TARBP1: variants seen among roughly 807,000 people sequenced by gnomAD.
The protein encoded by TARBP1 is tRNA guanosine 2 -O-methyltransferase TARBP1, also known as tRNA (guanosine(18)-2'-O)-methyltransferase TARBP1.
A neutral mutation model predicts 178.6 loss-of-function variants in TARBP1; 144 were observed. The observed-to-expected ratio is 0.81, with a 90% confidence interval of 0.70 to 0.93. The LOEUF (loss-of-function observed/expected upper bound fraction) is 0.93, where lower values mean the gene tolerates loss of function less well. Among genes scored for constraint, TARBP1 ranks in the 40% least tolerant of loss-of-function variants. The pLI is 0.00. For missense variants in TARBP1, 2,067 were observed against 2,011.7 expected (o/e 1.03, Z -0.53); for synonymous variants, 787 against 781.0 (o/e 1.01, Z -0.13).
At position 234,459,307 on chromosome 1, in the gene TARBP1, T is replaced by C. The variant is rs772787889; in HGVS notation, c.1555A>G (p.Met519Val). The change falls in exon 8 of 30, where the codon ATG becomes GTG. Residue 519 changes from methionine to valine, a missense_variant. Coordinates refer to ENST00000040877, the MANE Select transcript of TARBP1 (RefSeq NM_005646.4). ...CTCAGGAGAATCTGATGTGTGATCA[T>C]AGTGCAATGAATAACATCCCTGACA... ...LALRDVIHCT[M>V]ITHQILLRGA... is the part of the protein sequence containing the mutation. 5.0e-6 allele frequency: 8 copies of C among 1,612,442 alleles called. No individual in the cohort carries two copies. The East Asian group carries it at 6.7e-5, about 13-fold the overall frequency.
rs563826853 is a variant in TARBP1, at chr1:234,442,631, C to A, written c.2134+4172G>T. On this transcript the variant is annotated intron_variant, in intron 12 of 29. Coordinates refer to ENST00000040877, the MANE Select transcript of TARBP1 (RefSeq NM_005646.4). ...CTCTTGTCTTGCATATTCCATACTA[C>A]TCTTTCTGCCTTTTCTTTCTCCTAT... is the stretch of plus-strand genomic sequence containing the variant. 6.6e-5 allele frequency among the ~76,000 whole-genome samples: 10 copies of A among 152,304 alleles called. No individual in the cohort carries two copies. In the East Asian group the frequency reaches 1.9e-3, roughly 29 times the overall value.
At chr1:234,453,532 C>T (rs560685202) in intron 9 of TARBP1, among the ~76,000 whole-genome samples, 1 of 151,776 alleles carries the variant, frequency 6.6e-6, no homozygotes, top group East Asian at 1.9e-4. Flanking sequence ...AAACCAAATA[C>T]TGTTTCAAAA....
At chr1:234,416,602 A>G (rs1191088723) in intron 22 of TARBP1, among the ~76,000 whole-genome samples, 1 of 152,116 alleles carries the variant, frequency 6.6e-6, no homozygotes. Context: ...TGGCCAAAGC[A>G]TTGTCATTTC....
chr1:234,397,123 C>A, intron 26 of TARBP1, among the ~76,000 whole-genome samples: 1 of 140,026 alleles, frequency 7.1e-6, no homozygotes, highest in Non-Finnish European at 1.5e-5. Flanking sequence ...AGGAAGATAG[C>A]CTACAGTCAT....
chr1:234,456,616 C>CAT (rs1667313194), intron 9 of TARBP1, among the ~76,000 whole-genome samples: 1 of 152,088 alleles, frequency 6.6e-6, no homozygotes, highest in South Asian at 2.1e-4. Context: ...CTAAAATGCT[C>CAT]ATATATATGT....
rs1337062985 is a variant in TARBP1 at position 234,396,001 on chromosome 1, T to A, written c.4244-2164A>T. 3.3e-5 allele frequency among the ~76,000 whole-genome samples: 5 copies of A among 152,274 alleles called. No individual in the cohort carries two copies. In the East Asian group the frequency reaches 5.8e-4, roughly 18 times the overall value. Reference sequence around the variant, plus strand: ...GACCATTACACAATGTATATATGCATGAAAACGCCACACTGTACCCCATAA... The same window carrying A: ...GACCATTACACAATGTATATATGCAAGAAAACGCCACACTGTACCCCATAA... On this transcript the variant is annotated intron_variant, in intron 26 of 29. Transcript: ENST00000040877.
intron 7 of TARBP1, among the ~76,000 whole-genome samples, chr1:234,459,656 A>G (rs1280911628): frequency 6.6e-6 from 1 of 152,136 alleles, no homozygotes; most frequent in Non-Finnish European, 1.5e-5. Flanking sequence ...TACTAAAAAT[A>G]CAAAAATCAG....
Position 234,393,804 on chromosome 1 carries a change from T to A in TARBP1, c.4277A>T (p.Glu1426Val). 6.2e-7 allele frequency: 1 copy of A among 1,613,260 alleles called. No individual in the cohort carries two copies. Among genetic ancestry groups the A allele is most frequent in the Non-Finnish European group, 8.5e-7 (1 of 1,179,544 alleles). The change falls in exon 27 of 30, where the codon GAG becomes GTG. Residue 1426 changes from glutamate to valine, a missense_variant. Glu to Val is a moderately radical substitution (Grantham distance 121, BLOSUM62 -2). Transcript: ENST00000040877. ...TNLVEADNQA[E>V]WTDVQKKIIP... ...AATCTTCTTCTGAACGTCGGTCCAC[T>A]CCGCTTGGTTATCTGCTTCGACCAA...
intron 4 of TARBP1, among the ~76,000 whole-genome samples, chr1:234,467,018 T>G (rs918416007): frequency 2.6e-5 from 4 of 152,238 alleles, no homozygotes; most frequent in Admixed American, 2.0e-4. Flanking sequence ...TCCCACTGTC[T>G]CTGCCTCACG....
chr1:234,457,932 T>C lies in TARBP1; in HGVS notation c.1633-176A>G, dbSNP rs186945466. On this transcript the variant is annotated intron_variant, in intron 8 of 29. Transcript: ENST00000040877. ...AAAGAAAGCAAATAAAAAGAAAATA[T>C]TATTCAACTTTTAACATAAAGATAC... Among the ~76,000 whole-genome samples, 152 of 152,000 alleles carry C rather than the reference T, an allele frequency of 1.0e-3. 1 individual carries two copies. Among genetic ancestry groups the C allele is most frequent in the African/African-American group, 3.5e-3 (143 of 41,434 alleles).
At chr1:234,426,852 T>A (rs1273187731) in intron 19 of TARBP1, among the ~76,000 whole-genome samples, 1 of 152,212 alleles carries the variant, frequency 6.6e-6, no homozygotes, top group Non-Finnish European at 1.5e-5. Context: ...CAATCATTAC[T>A]TCAATAAAGA....
intron 1 of TARBP1, among the ~76,000 whole-genome samples, chr1:234,476,346 A>G (rs1375877779): frequency 6.6e-6 from 1 of 152,238 alleles, no homozygotes; most frequent in Admixed American, 6.5e-5. Context: ...TGAGTAAAGC[A>G]AAAAAGAGGA....
At position 234,478,358 on chromosome 1, in the gene TARBP1, G is replaced by A; in HGVS notation, c.746C>T (p.Ala249Val). 1 of 1,269,738 alleles carries A rather than the reference G, an allele frequency of 7.9e-7. No homozygotes were observed. Among genetic ancestry groups the A allele is most frequent in the Non-Finnish European group, 9.9e-7 (1 of 1,012,524 alleles). The allele number at this position is 1,269,738 out of a possible 1,614,324, so 78.7% of individuals were successfully genotyped here. ...CGGGCCCGCCTCGCGCGCGCCGCGG[G>A]CGCGGTCGCCGCCGGGCTCGGGCAA... is the stretch of plus-strand genomic sequence containing the variant. ...KLLPEPGGDR[A>V]RGAREAGPDA... The change falls in exon 1 of 30, where the codon GCC (alanine) becomes GTC (valine). Residue 249 changes from alanine to valine, a missense_variant. Ala to Val is a moderately conservative substitution (Grantham distance 64, BLOSUM62 0). Transcript: ENST00000040877.
intron 17 of TARBP1, among the ~76,000 whole-genome samples, 180 bp from the exon 18 acceptor site, chr1:234,427,946 T>C (rs1054461311): frequency 6.6e-6 from 1 of 152,210 alleles, no homozygotes; most frequent in Non-Finnish European, 1.5e-5. Flanking sequence ...CATCTCTTGA[T>C]AATAAAAATA....
At chr1:234,463,134 T>G (rs1312753233) in intron 6 of TARBP1, among the ~76,000 whole-genome samples, 1 of 151,794 alleles carries the variant, frequency 6.6e-6, no homozygotes, top group Non-Finnish European at 1.5e-5. Context: ...TTTGTTTTTT[T>G]TGTTTTTTTG....
Position 234,418,220 on chromosome 1 carries a change from C to G in TARBP1, c.3569G>C (p.Gly1190Ala), listed in dbSNP as rs1302529135. The G allele has an allele frequency of 1.7e-5, 26 of 1,550,494 alleles. No individual in the cohort carries two copies. The highest frequency in any genetic ancestry group is 2.1e-5 in the Non-Finnish European group (24 of 1,161,072). Residue 1190 changes from glycine (G) to alanine (A), a missense_variant, in exon 22 of 30, where the codon GGA (glycine) becomes GCA (alanine). By Grantham distance (60) the Gly-to-Ala change is moderately conservative. Coordinates refer to ENST00000040877, the MANE Select transcript of TARBP1 (RefSeq NM_005646.4). ...AGCCTGGAAAATCCTGTCAATAATT[C>G]CATTCAAGAAATTCTGAGAAAAAAA... ...FPRLDQNFLN[G>A]IIDRIFQAGF...
chr1:234,476,185 C>CGA (rs1309173276), intron 1 of TARBP1, among the ~76,000 whole-genome samples: 2 of 152,104 alleles, frequency 1.3e-5, no homozygotes, highest in Non-Finnish European at 2.9e-5. Context: ...TGGGGATTTT[C>CGA]AGGAGAGAAA....
intron 12 of TARBP1, among the ~76,000 whole-genome samples, chr1:234,438,347 G>C (rs1008125313): frequency 1.3e-5 from 2 of 152,128 alleles, no homozygotes; most frequent in African/African-American, 4.8e-5. Context: ...AGAACCGTTT[G>C]ACAAAAATCA....
chr1:234,463,870 T>A lies in TARBP1; in HGVS notation c.1366A>T (p.Thr456Ser). The A allele has an allele frequency of 6.3e-7, 1 of 1,595,656 alleles. No homozygotes were observed. Among genetic ancestry groups the A allele is most frequent in the Non-Finnish European group, 8.5e-7 (1 of 1,170,824 alleles). ...TCTTCTGGAAGAAGAGAAATATAAGTGACTAAAAACTTCTGTAATTTCAGT... is the reference window on the plus strand; with the variant it reads ...TCTTCTGGAAGAAGAGAAATATAAGAGACTAAAAACTTCTGTAATTTCAGT... ...LGLKLQKFLV[T>S]YISLLPEEIK... is the part of the protein sequence containing the mutation. Residue 456 changes from threonine (T) to serine (S), a missense_variant, in exon 6 of 30, where the codon ACT (threonine) becomes TCT (serine). Physicochemically the swap from Thr to Ser is moderately conservative, Grantham distance 58. Coordinates refer to ENST00000040877, the MANE Select transcript of TARBP1 (RefSeq NM_005646.4).
Sources: allele counts gnomAD v4.1 joint callset (sites outside exome capture counted in the v4.1 genomes callset), GRCh38; gene constraint gnomAD v4.1.1; transcripts MANE v1.5; gene names NCBI Gene and HGNC (gene_info 2026-07-23, HGNC 2026-07-21).